Variants in DNAH9 observed in about 807,000 individuals in gnomAD.
The protein encoded by DNAH9 is dynein axonemal heavy chain 9, also known as DNAH9 variant protein.
In DNAH9, 345 loss-of-function variants were observed where a neutral mutation model predicts 471.6. The ratio of observed to expected loss-of-function variants is 0.73; its 90% CI spans 0.67 to 0.80. The LOEUF (loss-of-function observed/expected upper bound fraction) is 0.80. DNAH9 is among the 30% of genes least tolerant of loss of function. The pLI is 0.00. For synonymous variants in DNAH9, 2,093 were observed against 2,123.6 expected (o/e 0.99, Z 0.40); for missense variants, 5,407 against 5,609.2 (o/e 0.96, Z 1.15).
Position 11,705,171 on chromosome 17 carries a change from A to T in DNAH9, c.5538A>T (p.Thr1846=), listed in dbSNP as rs1216285908. The T allele has an allele frequency of 1.9e-6, 3 of 1,613,934 alleles. No individual in the cohort carries two copies. The African/African-American group carries it at 4.0e-5, about 22-fold the overall frequency. ...GAAACACACCTCGCTTGGTGATCAC[A>T]CCTTTGACTGACAGGTGAGCACTGG... The part of the protein sequence containing the change: ...YLGNTPRLVI[T]PLTDRCYITL... Residue 1846 remains threonine, a synonymous_variant, in exon 26 of 69, where the codon ACA becomes ACT. Transcript: ENST00000262442.
chr17:11,708,589 T>C (rs1016582616), intron 26 of DNAH9, among the ~76,000 whole-genome samples: 1 of 152,130 alleles, frequency 6.6e-6, no homozygotes, highest in Admixed American at 6.5e-5. Flanking sequence ...GCTCATCCTG[T>C]CTGGGTTAAA....
intron 17 of DNAH9, among the ~76,000 whole-genome samples, chr17:11,672,064 T>A (rs1280059534): frequency 6.6e-6 from 1 of 152,206 alleles, no homozygotes; most frequent in Non-Finnish European, 1.5e-5. Context: ...AATAAAAAAA[T>A]TATTATTGTC....
At chr17:11,966,837 G>T (rs1225665182) in intron 68 of DNAH9, among the ~76,000 whole-genome samples, 2 of 151,780 alleles carry the variant, frequency 1.3e-5, no homozygotes, top group Admixed American at 1.3e-4. Context: ...GAGGTGGTTG[G>T]ATCACTTGAG....
In DNAH9 at chr17:11,617,467, G is replaced by A. The variant is rs762435304; in HGVS notation, c.961G>A (p.Glu321Lys). 8.1e-6 allele frequency: 13 copies of A among 1,614,202 alleles called. No individual in the cohort carries two copies. The highest frequency in any genetic ancestry group is 1.6e-4 in the Middle Eastern group (1 of 6,062). The change falls in exon 5 of 69, where the codon GAA becomes AAA. Residue 321 changes from glutamate (E) to lysine (K), a missense_variant. Physicochemically the swap from Glu to Lys is moderately conservative, Grantham distance 56. Coordinates refer to ENST00000262442, the MANE Select transcript of DNAH9 (RefSeq NM_001372.4). ...VHLIPLQRHL[E>K]ALENAEFPEV... Reference sequence around the variant, plus strand: ...CCTGATACCGCTCCAGCGCCACCTGGAAGCTCTGGAGAATGCAGAATTTCC... The same window carrying A: ...CCTGATACCGCTCCAGCGCCACCTGAAAGCTCTGGAGAATGCAGAATTTCC...
chr17:11,735,611 A>G (rs1488087767), intron 28 of DNAH9, among the ~76,000 whole-genome samples: 1 of 151,758 alleles, frequency 6.6e-6, no homozygotes, highest in Non-Finnish European at 1.5e-5. Context: ...AATTTTTTGT[A>G]TTTTTAGTGG....
intron 57 of DNAH9, 28 bp downstream of exon 57, chr17:11,886,993 G>A (rs1175582539): frequency 6.3e-7 from 1 of 1,599,328 alleles, no homozygotes; most frequent in South Asian, 1.1e-5. Context: ...TTTCTTGCCT[G>A]ATTATAATAA....
At chr17:11,635,432 C>T (rs1041398000) in intron 8 of DNAH9, among the ~76,000 whole-genome samples, 5 of 149,764 alleles carry the variant, frequency 3.3e-5, no homozygotes, top group Non-Finnish European at 7.4e-5. Context: ...GTGCCTGCCT[C>T]GTCCTTCCAA....
chr17:11,735,715 G>A (rs993846076), intron 28 of DNAH9, among the ~76,000 whole-genome samples: 4 of 152,298 alleles, frequency 2.6e-5, no homozygotes, highest in South Asian at 2.1e-4. Context: ...GATTACAGAC[G>A]TGATTATTTG....
In DNAH9 at chr17:11,893,322, G is replaced by A. The variant is rs185805718; in HGVS notation, c.11284-1052G>A. 1.2e-3 allele frequency among the ~76,000 whole-genome samples: 178 copies of A among 152,092 alleles called. 1 individual carries two copies. Among genetic ancestry groups the A allele is most frequent in the Non-Finnish European group, 4.7e-4 (32 of 68,000 alleles). On this transcript the variant is annotated intron_variant, in intron 58 of 68. Transcript: ENST00000262442. The stretch of plus-strand genomic sequence containing the variant: ...TTTTCCATTTCCTACTCCATGGAAC[G>A]TCGTCCCTTCTGTGAAAATATCCCC...
intron 33 of DNAH9, among the ~76,000 whole-genome samples, chr17:11,754,335 A>G (rs1335369840): frequency 9.9e-5 from 15 of 152,192 alleles, no homozygotes; most frequent in Admixed American, 9.8e-4. Flanking sequence ...TCCTCTGGAT[A>G]TATGTCCAGT....
At chr17:11,661,731 G>C (rs2073767376) in intron 14 of DNAH9, among the ~76,000 whole-genome samples, 1 of 151,858 alleles carries the variant, frequency 6.6e-6, no homozygotes, top group South Asian at 2.1e-4. Flanking sequence ...TACTGCTGTT[G>C]TGTGAGATAT....
chr17:11,933,151 G>T (rs1358857962), intron 64 of DNAH9, among the ~76,000 whole-genome samples: 1 of 152,076 alleles, frequency 6.6e-6, no homozygotes, highest in African/African-American at 2.4e-5. Context: ...TATTCCCTTT[G>T]AACTTTCAAA....
intron 59 of DNAH9, among the ~76,000 whole-genome samples, chr17:11,897,046 CTT>C (rs1420571361): frequency 6.6e-6 from 1 of 152,278 alleles, no homozygotes; most frequent in South Asian, 2.1e-4. Flanking sequence ...GCTGAGATCA[CTT>C]TGCGCTCCAG....
Position 11,617,741 on chromosome 17 carries a change from T to G in DNAH9, c.1116+119T>G, listed in dbSNP as rs2072776429. The G allele has an allele frequency of 2.4e-5, 17 of 695,768 alleles. No homozygotes were observed. In the East Asian group the frequency reaches 4.4e-4, roughly 18 times the overall value. 43.1% of individuals were successfully genotyped at this position (695,768 alleles called of 1,614,324 possible). A position where few individuals can be genotyped will look rare whatever the true frequency, so the allele number is the denominator to read the frequency against. Reference sequence around the variant, plus strand: ...GAGGAAATAATTATGTTCCAAAGAGTTCTTACACTTGAATTACAGTATTTT... The same window carrying G: ...GAGGAAATAATTATGTTCCAAAGAGGTCTTACACTTGAATTACAGTATTTT... On this transcript the variant is annotated intron_variant, in intron 5 of 68. Transcript: ENST00000262442.
intron 49 of DNAH9, among the ~76,000 whole-genome samples, chr17:11,853,743 T>C (rs1454298589): frequency 6.6e-6 from 1 of 152,216 alleles, no homozygotes; most frequent in Non-Finnish European, 1.5e-5. Context: ...AATAATTGTG[T>C]GTTTCTAATG....
At chr17:11,668,664 C>CAA (rs56347198) in intron 15 of DNAH9, among the ~76,000 whole-genome samples, 5 of 100,514 alleles carry the variant, frequency 5.0e-5, no homozygotes, top group African/African-American at 1.5e-4. Flanking sequence ...GACTGCATCT[C>CAA]AAAAAAAAAA....
intron 43 of DNAH9, among the ~76,000 whole-genome samples, chr17:11,801,891 GA>G (rs1010948551): frequency 6.0e-4 from 89 of 148,302 alleles, no homozygotes; most frequent in Admixed American, 1.0e-3. Flanking sequence ...ATTGTTTTTA[GA>G]AAAAAAAAAT....
intron 38 of DNAH9, among the ~76,000 whole-genome samples, chr17:11,778,349 A>G (rs866597396): frequency 0.011 from 1,583 of 149,074 alleles, 45 homozygotes; most frequent in African/African-American, 0.037. Context: ...AAAAAAAAAA[A>G]AAAAAAAAAA....
intron 43 of DNAH9, among the ~76,000 whole-genome samples, chr17:11,799,281 G>A (rs1417233182): frequency 6.6e-6 from 1 of 151,740 alleles, no homozygotes; most frequent in African/African-American, 2.4e-5. Flanking sequence ...TTCATTCATT[G>A]GACCAACTAC....
Sources: allele counts gnomAD v4.1 joint callset (sites outside exome capture counted in the v4.1 genomes callset), GRCh38; gene constraint gnomAD v4.1.1; transcripts MANE v1.5; gene names NCBI Gene and HGNC (gene_info 2026-07-23, HGNC 2026-07-21).